The following CLDN16 variants were observed in gnomAD, a reference collection of about 807,000 sequenced individuals.
The protein encoded by CLDN16 is claudin-16.
In CLDN16, 13 loss-of-function variants were observed where a neutral mutation model predicts 24.6. That is an observed-to-expected ratio of 0.53 (90% CI 0.34 to 0.84). CLDN16 has a LOEUF of 0.84. Among genes scored for constraint, CLDN16 ranks in the 40% least tolerant of loss-of-function variants. CLDN16 has a pLI of 0.01. For synonymous variants in CLDN16, 116 were observed against 106.7 expected (o/e 1.09, Z -0.54); for missense variants, 298 against 292.7 (o/e 1.02, Z -0.13).
At chr3:190,320,719 T>A (rs188127988), upstream of CLDN16, among the ~76,000 whole-genome samples, 1 of 152,312 alleles carries the variant, frequency 6.6e-6, no homozygotes, top group Admixed American at 6.5e-5. Context: ...ACAAGTTAAG[T>A]AAACTTGAAC....
At chr3:190,309,525 G>A in the CLDN16 span, among the ~76,000 whole-genome samples, 1 of 152,214 alleles carries the variant, frequency 6.6e-6, no homozygotes, top group Non-Finnish European at 1.5e-5. Context: ...TTAAAGATGT[G>A]AAGACAGTGA....
At chr3:190,360,095 T>A (rs1011840631) in intron 1 of CLDN16, among the ~76,000 whole-genome samples, 5 of 151,924 alleles carry the variant, frequency 3.3e-5, no homozygotes, top group African/African-American at 1.2e-4. Flanking sequence ...AAACTGACTT[T>A]GTTATTTAGA....
At chr3:190,341,975 A>G (rs977748329) in intron 1 of CLDN16, among the ~76,000 whole-genome samples, 3 of 152,178 alleles carry the variant, frequency 2.0e-5, no homozygotes, top group African/African-American at 7.2e-5. Context: ...AAAGGTCCTT[A>G]TTTCCATCTG....
At position 190,380,203 on chromosome 3, in the gene CLDN16, C is replaced by T. The variant is rs1334518701; in HGVS notation, n.306+5600C>T. 5.0e-5 allele frequency among the ~76,000 whole-genome samples: 2 copies of T among 40,142 alleles called. 1 individual carries two copies. Among genetic ancestry groups the T allele is most frequent in the Non-Finnish European group, 9.1e-5 (2 of 22,016 alleles). The allele number at this position is 40,142 out of a possible 152,430, so 26.3% of individuals were successfully genotyped here. On this transcript the variant is annotated intron_variant and non_coding_transcript_variant, in intron 3 of 4. Coordinates refer to the CLDN16 transcript ENST00000468220. Reference sequence around the variant, plus strand: ...CTTCCTTTTCTTCCTTCCCTCCCTTCCTTCCTTCCTCCCTTCCTTCCTTTT... The same window carrying T: ...CTTCCTTTTCTTCCTTCCCTCCCTTTCTTCCTTCCTCCCTTCCTTCCTTTT...
At position 190,410,285 on chromosome 3, in the gene CLDN16, G is replaced by A. The variant is rs886058246; in HGVS notation, c.*249G>A. ...CCTATATTTTAAGATAAGTCTGCTA[G>A]GATGTAGAAATATTTGTTTGTGATT... On this transcript the variant is annotated 3_prime_UTR_variant, in exon 5 of 5. Coordinates refer to ENST00000264734, the MANE Select transcript of CLDN16 (RefSeq NM_006580.4). 1.5e-5 allele frequency: 7 copies of A among 479,792 alleles called. No individual in the cohort carries two copies. Among genetic ancestry groups the A allele is most frequent in the Non-Finnish European group, 2.6e-5 (7 of 265,798 alleles). The allele number at this position is 479,792 out of a possible 1,614,324, so 29.7% of individuals were successfully genotyped here. A position where few individuals can be genotyped will look rare whatever the true frequency, so the allele number is the denominator to read the frequency against.
At chr3:190,378,512 C>T (rs1448601993) in intron 3 of CLDN16, among the ~76,000 whole-genome samples, 6 of 152,010 alleles carry the variant, frequency 3.9e-5, no homozygotes, top group Non-Finnish European at 7.4e-5. Flanking sequence ...TGACTTGCTT[C>T]ATCGTTTCAG....
intron 1 of CLDN16, among the ~76,000 whole-genome samples, chr3:190,364,056 G>A (rs559556988): frequency 2.2e-5 from 3 of 136,212 alleles, no homozygotes; most frequent in South Asian, 4.5e-4. Flanking sequence ...GTGCAGAATG[G>A]TCCTTTTTAT....
At chr3:190,380,747 A>C (rs1462440868) in intron 3 of CLDN16, among the ~76,000 whole-genome samples, 2 of 152,118 alleles carry the variant, frequency 1.3e-5, no homozygotes, top group Non-Finnish European at 2.9e-5. Flanking sequence ...ATTGCACTCC[A>C]GCCTGGGCGA....
At chr3:190,313,222 T>A in the CLDN16 span, 2 of 606,918 alleles carry the variant, frequency 3.3e-6, no homozygotes, top group Non-Finnish European at 5.8e-6. Context: ...GAAAAACAAA[T>A]GCCAGGCTGG....
chr3:190,387,123 CA>C (rs1718520084), upstream of CLDN16, among the ~76,000 whole-genome samples: 1 of 152,180 alleles, frequency 6.6e-6, no homozygotes, highest in South Asian at 2.1e-4. Flanking sequence ...CATTAAGAAT[CA>C]CCACTTTGTT....
the CLDN16 span, among the ~76,000 whole-genome samples, chr3:190,302,801 A>C: frequency 6.7e-6 from 1 of 150,126 alleles, no homozygotes; most frequent in Non-Finnish European, 1.5e-5. Flanking sequence ...TATATATATG[A>C]ATCAAACAAT....
At chr3:190,308,608 T>C in the CLDN16 span, among the ~76,000 whole-genome samples, 1 of 152,164 alleles carries the variant, frequency 6.6e-6, no homozygotes, top group Non-Finnish European at 1.5e-5. Context: ...CCAAAGAATG[T>C]TTATATTGCA....
chr3:190,385,921 A>C (rs377161203), upstream of CLDN16, among the ~76,000 whole-genome samples: 5 of 152,154 alleles, frequency 3.3e-5, no homozygotes, highest in East Asian at 1.9e-4. Context: ...TTCCACTCCC[A>C]ATTTCCTGAA....
the CLDN16 span, chr3:190,310,164 G>T: frequency 1.9e-6 from 3 of 1,611,504 alleles, no homozygotes; most frequent in Non-Finnish European, 2.5e-6. Flanking sequence ...CCTGAATAGC[G>T]TTACCTGGCA....
At chr3:190,348,038 T>C (rs567318931) in intron 1 of CLDN16, among the ~76,000 whole-genome samples, 2 of 149,784 alleles carry the variant, frequency 1.3e-5, no homozygotes, top group African/African-American at 4.9e-5. Context: ...GGTCAGGAGA[T>C]TGTGACCATC....
At chr3:190,348,395 A>G (rs796203872) in intron 1 of CLDN16, among the ~76,000 whole-genome samples, 31 of 147,712 alleles carry the variant, frequency 2.1e-4, no homozygotes, top group African/African-American at 7.2e-4. Context: ...TATGTTTCTT[A>G]CAAAGATATA....
At chr3:190,404,723 C>T in intron 2 of CLDN16, 39 bp from the exon 3 acceptor site, 3 of 1,610,164 alleles carry the variant, frequency 1.9e-6, no homozygotes, top group Non-Finnish European at 1.7e-6. Flanking sequence ...ATGGTTCCTT[C>T]TTCTGACTCT....
chr3:190,297,637 TA>T, the CLDN16 span, among the ~76,000 whole-genome samples: 3 of 141,492 alleles, frequency 2.1e-5, no homozygotes, highest in African/African-American at 7.7e-5. Flanking sequence ...ATATAATATA[TA>T]ATATATATCT....
intron 2 of CLDN16, chr3:190,371,032 A>AAATACCTT: frequency 6.9e-6 from 1 of 144,092 alleles, no homozygotes; most frequent in Admixed American, 7.0e-5. Flanking sequence ...ATATATATAT[A>AAATACCTT]TATATATAAA....
Sources: gnomAD v4.1 joint callset for allele counts (sites outside exome capture counted in the v4.1 genomes callset) on GRCh38, gnomAD v4.1.1 for gene constraint, MANE v1.5 for transcripts, NCBI Gene and HGNC (gene_info 2026-07-23, HGNC 2026-07-21) for gene names.